Variants in TRPM3 observed in about 807,000 individuals in gnomAD.
TRPM3 encodes long transient receptor potential channel 3.
A neutral mutation model predicts 181.2 loss-of-function variants in TRPM3; 77 were observed. The observed-to-expected ratio is 0.42, with a 90% CI of 0.35 to 0.51. TRPM3 has a LOEUF of 0.51. TRPM3 is among the 20% of genes least tolerant of loss of function. TRPM3 has a pLI of 0.01. For synonymous variants in TRPM3, 745 were observed against 796.4 expected, an observed-to-expected ratio of 0.94 and a Z score of 1.09; for missense variants, 1,759 against 2,196.7, an observed-to-expected ratio of 0.80 and a Z score of 3.98.
At chr9:70,832,110 G>A (rs1313164724) in intron 5 of TRPM3, among the ~76,000 whole-genome samples, 2 of 132,734 alleles carry the variant, frequency 1.5e-5, no homozygotes, top group Non-Finnish European at 3.1e-5. Flanking sequence ...CATGGACACA[G>A]GAAGGGGAAC....
At chr9:70,946,796 T>G (rs2096938359) in intron 1 of TRPM3, among the ~76,000 whole-genome samples, 1 of 152,116 alleles carries the variant, frequency 6.6e-6, no homozygotes, top group African/African-American at 2.4e-5. Flanking sequence ...AGAATAGTCT[T>G]GCCTGTTTTT....
In TRPM3 at chr9:71,363,720, T is replaced by C. The variant is rs149433903; in HGVS notation, c.183+82933A>G. On this transcript the variant is annotated intron_variant, in intron 1 of 24. Coordinates refer to the TRPM3 transcript ENST00000357533. ...CTGCACTTCCTCTGGGAATTCTTCC[T>C]GACCCCTGGCCAGGAGGCCCCTGGT... 4.4e-3 allele frequency among the ~76,000 whole-genome samples: 677 copies of C among 152,298 alleles called. 6 individuals carry two copies. The highest frequency in any genetic ancestry group is 0.015 in the African/African-American group (638 of 41,564).
At chr9:71,034,367 T>C (rs2057918612) in intron 1 of TRPM3, among the ~76,000 whole-genome samples, 1 of 152,184 alleles carries the variant, frequency 6.6e-6, no homozygotes, top group Admixed American at 6.5e-5. Flanking sequence ...CAAGAAGAGG[T>C]AAATCTTACT....
intron 1 of TRPM3, among the ~76,000 whole-genome samples, chr9:71,128,384 C>T (rs962261093): frequency 6.6e-6 from 1 of 152,182 alleles, no homozygotes; most frequent in Non-Finnish European, 1.5e-5. Context: ...CAACTTTATT[C>T]AGCCTTGAAA....
intron 1 of TRPM3, among the ~76,000 whole-genome samples, chr9:70,982,708 T>C (rs73478159): frequency 0.032 from 4,842 of 152,208 alleles, 266 homozygotes; most frequent in African/African-American, 0.11. Flanking sequence ...CATTATTTTG[T>C]TGTTTTTGTT....
intron 1 of TRPM3, among the ~76,000 whole-genome samples, chr9:70,870,277 A>G (rs2095760083): frequency 6.6e-6 from 1 of 152,060 alleles, no homozygotes; most frequent in Non-Finnish European, 1.5e-5. Flanking sequence ...ATCTTCTTCA[A>G]ACTCCCACAT....
chr9:71,000,581 A>G (rs2097588305), intron 1 of TRPM3, among the ~76,000 whole-genome samples: 1 of 152,220 alleles, frequency 6.6e-6, no homozygotes, highest in Admixed American at 6.5e-5. Flanking sequence ...GGAAGTTAAT[A>G]GTTAAATTTA....
At chr9:71,023,943 C>A (rs1329536416) in intron 1 of TRPM3, among the ~76,000 whole-genome samples, 1 of 152,056 alleles carries the variant, frequency 6.6e-6, no homozygotes, top group Non-Finnish European at 1.5e-5. Flanking sequence ...CATGAACATA[C>A]ACATGATAAA....
chr9:71,435,334 T>G (rs2094016627), intron 1 of TRPM3, among the ~76,000 whole-genome samples: 1 of 152,228 alleles, frequency 6.6e-6, no homozygotes, highest in Non-Finnish European at 1.5e-5. Flanking sequence ...AGCAAGAAAG[T>G]CTCTCAGAAG....
At chr9:70,957,234 G>C (rs757533893) in intron 1 of TRPM3, among the ~76,000 whole-genome samples, 1 of 152,038 alleles carries the variant, frequency 6.6e-6, no homozygotes, top group Non-Finnish European at 1.5e-5. Flanking sequence ...AAAGTGTTGG[G>C]ATTACAGGCA....
At chr9:70,880,046 C>T (rs1435705957) in intron 1 of TRPM3, among the ~76,000 whole-genome samples, 1 of 152,126 alleles carries the variant, frequency 6.6e-6, no homozygotes, top group African/African-American at 2.4e-5. Context: ...AAATCTCCAC[C>T]CTGCCTTCTG....
At chr9:71,186,503 T>G (rs2077688503) in intron 1 of TRPM3, among the ~76,000 whole-genome samples, 1 of 152,040 alleles carries the variant, frequency 6.6e-6, no homozygotes, top group South Asian at 2.1e-4. Context: ...GTAGCTTAGC[T>G]TCCTGTCTCC....
intron 1 of TRPM3, among the ~76,000 whole-genome samples, chr9:71,345,360 A>C (rs1160201534): frequency 6.6e-6 from 1 of 152,172 alleles, no homozygotes; most frequent in Non-Finnish European, 1.5e-5. Flanking sequence ...TCGATGATAG[A>C]CTGGATAAAG....
At chr9:71,269,479 C>G (rs1197939705) in intron 1 of TRPM3, among the ~76,000 whole-genome samples, 7 of 152,212 alleles carry the variant, frequency 4.6e-5, no homozygotes, top group African/African-American at 1.2e-4. Flanking sequence ...GCAGAATAAT[C>G]TCATTTTAAA....
intron 18 of TRPM3, among the ~76,000 whole-genome samples, chr9:70,614,936 A>T (rs2062559335): frequency 1.3e-5 from 2 of 152,224 alleles, no homozygotes; most frequent in South Asian, 4.1e-4. Context: ...TCCTCCACAG[A>T]TTTTTATACA....
At chr9:71,080,171 AAAATAAAT>A (rs71367253) in intron 1 of TRPM3, among the ~76,000 whole-genome samples, 16 of 133,202 alleles carry the variant, frequency 1.2e-4, no homozygotes, top group South Asian at 2.6e-4. Context: ...ACTCCATCTC[AAAATAAAT>A]AAATAAATAA....
intron 1 of TRPM3, among the ~76,000 whole-genome samples, chr9:71,022,688 ACT>A (rs756372355): frequency 5.7e-4 from 87 of 152,190 alleles, no homozygotes; most frequent in Non-Finnish European, 1.0e-3. Context: ...ACAGAGCAAG[ACT>A]CTGTCTCAAA....
At chr9:70,619,273 G>A (rs559620053) in intron 16 of TRPM3, among the ~76,000 whole-genome samples, 178 bp from the exon 17 acceptor site, 13 of 152,102 alleles carry the variant, frequency 8.5e-5, no homozygotes, top group South Asian at 4.2e-4. Flanking sequence ...ACTATGTGCC[G>A]GATACCATGT....
intron 1 of TRPM3, among the ~76,000 whole-genome samples, chr9:70,893,002 G>A (rs2096233656): frequency 6.6e-6 from 1 of 152,142 alleles, no homozygotes; most frequent in African/African-American, 2.4e-5. Flanking sequence ...GCTGCAACAT[G>A]AGATAGCATT....
Sources: allele counts gnomAD v4.1 joint callset (sites outside exome capture counted in the v4.1 genomes callset), GRCh38; gene constraint gnomAD v4.1.1; transcripts MANE v1.5; gene names NCBI Gene and HGNC (gene_info 2026-07-23, HGNC 2026-07-21).